The following PVT1 variants were observed in gnomAD, a reference collection of about 807,000 sequenced individuals.
PVT1 encodes the protein CXCR4/PVT1 fusion.
chr8:127,870,860 C>T (rs917442071), intron 2 of PVT1, among the ~76,000 whole-genome samples: 6 of 152,110 alleles, frequency 3.9e-5, no homozygotes, highest in African/African-American at 7.2e-5. Flanking sequence ...AAATGTGAGC[C>T]CTTATTATTT....
intron 4 of PVT1, chr8:127,998,154 G>A (rs1447043748): frequency 6.6e-6 from 1 of 152,172 alleles, no homozygotes; most frequent in African/African-American, 2.4e-5. Context: ...AGATACTTTT[G>A]TGTTTTTGTT....
At chr8:128,087,379 A>G (rs1814271835) in intron 5 of PVT1, among the ~76,000 whole-genome samples, 1 of 152,220 alleles carries the variant, frequency 6.6e-6, no homozygotes, top group Admixed American at 6.5e-5. Flanking sequence ...AGGTGACATT[A>G]TCCTAGTTTG....
chr8:127,847,633 C>T (rs977174662), intron 2 of PVT1, among the ~76,000 whole-genome samples: 4 of 152,074 alleles, frequency 2.6e-5, no homozygotes, highest in Non-Finnish European at 5.9e-5. Flanking sequence ...AGGCAAGATG[C>T]GGAAAGGAAT....
chr8:127,928,188 A>G (rs931674683), intron 3 of PVT1, among the ~76,000 whole-genome samples: 4 of 152,238 alleles, frequency 2.6e-5, no homozygotes, highest in African/African-American at 9.6e-5. Context: ...CATATCTGAT[A>G]GATAGGGTTC....
At chr8:127,923,070 T>C (rs1412985074) in intron 3 of PVT1, among the ~76,000 whole-genome samples, 2 of 152,198 alleles carry the variant, frequency 1.3e-5, no homozygotes, top group Non-Finnish European at 2.9e-5. Context: ...ATTAGGTATC[T>C]TATTTTATCT....
intron 2 of PVT1, among the ~76,000 whole-genome samples, chr8:127,828,806 A>C (rs1359716941): frequency 6.6e-6 from 1 of 152,140 alleles, no homozygotes; most frequent in African/African-American, 2.4e-5. Flanking sequence ...AAAGCTGACG[A>C]GATGGACTAT....
chr8:127,982,599 C>G (rs1451656095), intron 3 of PVT1, among the ~76,000 whole-genome samples: 1 of 151,800 alleles, frequency 6.6e-6, no homozygotes, highest in African/African-American at 2.4e-5. Context: ...GGCTTGAGCT[C>G]AAGAGTTCCA....
At chr8:127,798,919 T>C (rs1334959310) in intron 2 of PVT1, among the ~76,000 whole-genome samples, 1 of 151,978 alleles carries the variant, frequency 6.6e-6, no homozygotes, top group East Asian at 1.9e-4. Flanking sequence ...TCTATAATCA[T>C]TTGCAAGAGG....
intron 3 of PVT1, among the ~76,000 whole-genome samples, chr8:127,901,794 G>A (rs1815762406): frequency 6.6e-6 from 1 of 151,376 alleles, no homozygotes; most frequent in Admixed American, 6.6e-5. Flanking sequence ...TAGAGATGGA[G>A]TCTCACTATG....
At chr8:127,880,623 T>C (rs1343374448) in intron 2 of PVT1, among the ~76,000 whole-genome samples, 2 of 106,242 alleles carry the variant, frequency 1.9e-5, no homozygotes, top group East Asian at 2.9e-4. Context: ...TTTTCCGAGA[T>C]GGAGTCTCAC....
intron 2 of PVT1, among the ~76,000 whole-genome samples, chr8:127,848,146 T>C (rs1815056421): frequency 6.6e-6 from 1 of 152,214 alleles, no homozygotes; most frequent in Non-Finnish European, 1.5e-5. Flanking sequence ...AGGCTGGGGT[T>C]ATGCATTTTT....
At chr8:127,813,813 G>C (rs999254148) in intron 2 of PVT1, among the ~76,000 whole-genome samples, 5 of 152,154 alleles carry the variant, frequency 3.3e-5, no homozygotes, top group Non-Finnish European at 2.9e-5. Flanking sequence ...ACATGGAAAC[G>C]AGAGGCAGAC....
At chr8:127,996,707 C>T (rs1428231777) in intron 4 of PVT1, 2 of 152,268 alleles carry the variant, frequency 1.3e-5, no homozygotes, top group Non-Finnish European at 2.9e-5. Context: ...TTGCATCTTA[C>T]CTGAGTCTTC....
chr8:128,044,015 ATTT>A (rs763124076), intron 4 of PVT1, among the ~76,000 whole-genome samples: 325 of 127,386 alleles, frequency 2.6e-3, no homozygotes, highest in African/African-American at 9.7e-3. Flanking sequence ...TTATTTATTT[ATTT>A]TTTTTTTTTT....
chr8:127,818,638 A>G (rs1466732954), intron 2 of PVT1, among the ~76,000 whole-genome samples: 1 of 152,174 alleles, frequency 6.6e-6, no homozygotes, highest in Non-Finnish European at 1.5e-5. Context: ...CATAATGGAT[A>G]AGGGTGCACT....
At chr8:127,929,436 T>C (rs192825984) in intron 3 of PVT1, among the ~76,000 whole-genome samples, 91 of 152,330 alleles carry the variant, frequency 6.0e-4, no homozygotes, top group African/African-American at 2.1e-3. Flanking sequence ...CTCCCAACTC[T>C]TGCTTTGCAA....
At chr8:127,900,986 A>G (rs1815752104) in intron 3 of PVT1, among the ~76,000 whole-genome samples, 1 of 152,212 alleles carries the variant, frequency 6.6e-6, no homozygotes, top group African/African-American at 2.4e-5. Flanking sequence ...GGGCAGGTCC[A>G]GAGTCTGGGT....
intron 2 of PVT1, among the ~76,000 whole-genome samples, chr8:127,877,810 C>T (rs1815421776): frequency 6.6e-6 from 1 of 152,088 alleles, no homozygotes; most frequent in Non-Finnish European, 1.5e-5. Context: ...CCCGTAGTCC[C>T]AGCTACTCTG....
intron 4 of PVT1, among the ~76,000 whole-genome samples, chr8:128,033,522 G>A (rs1813424153): frequency 1.3e-5 from 2 of 152,184 alleles, no homozygotes; most frequent in Non-Finnish European, 1.5e-5. Flanking sequence ...CTCCCTGGGC[G>A]GCCACCCCAG....
Sources: allele counts gnomAD v4.1 joint callset (sites outside exome capture counted in the v4.1 genomes callset), GRCh38; gene constraint gnomAD v4.1.1; transcripts MANE v1.5; gene names NCBI Gene and HGNC (gene_info 2026-07-23, HGNC 2026-07-21).